CSMD1: variants seen among roughly 807,000 people sequenced by gnomAD.
The protein encoded by CSMD1 is CUB and sushi domain-containing protein 1.
CSMD1 carries 213 observed loss-of-function variants against 417.5 expected under a neutral mutation model. That is an observed-to-expected ratio of 0.51 (90% CI 0.46 to 0.57). The LOEUF (loss-of-function observed/expected upper bound fraction) is 0.57, where lower values mean the gene tolerates loss of function less well. CSMD1 is among the 20% of genes least tolerant of loss of function. The pLI is 0.00. For synonymous variants in CSMD1, 2,862 were observed against 1,736.8 expected, an observed-to-expected ratio of 1.65 and a Z score of -16.11; for missense variants, 6,923 against 4,529.7, an observed-to-expected ratio of 1.53 and a Z score of -15.17.
intron 2 of CSMD1, among the ~76,000 whole-genome samples, chr8:4,423,005 A>G (rs1408874938): frequency 6.6e-6 from 1 of 152,082 alleles, no homozygotes; most frequent in Admixed American, 6.6e-5. Flanking sequence ...TCTCAGTAAC[A>G]TATGATTGGA....
chr8:3,153,143 A>C (rs1186167054), intron 39 of CSMD1, among the ~76,000 whole-genome samples: 2 of 152,120 alleles, frequency 1.3e-5, no homozygotes, highest in Non-Finnish European at 2.9e-5. Context: ...GGCTAAACCC[A>C]CCAAAGCCAA....
At chr8:4,709,494 G>A (rs1335886072) in intron 1 of CSMD1, among the ~76,000 whole-genome samples, 3 of 152,246 alleles carry the variant, frequency 2.0e-5, no homozygotes, top group African/African-American at 7.2e-5. Context: ...GGAGCCTCAT[G>A]TGCCACCTTC....
chr8:3,511,157 A>T (rs1319799813), intron 10 of CSMD1, among the ~76,000 whole-genome samples: 1 of 151,818 alleles, frequency 6.6e-6, no homozygotes, highest in South Asian at 2.1e-4. Flanking sequence ...GCATGTTCTC[A>T]GTAATAAGTG....
intron 3 of CSMD1, among the ~76,000 whole-genome samples, chr8:4,117,526 G>C (rs1225018988): frequency 2.0e-5 from 3 of 152,160 alleles, no homozygotes; most frequent in Admixed American, 6.5e-5. Flanking sequence ...TCTCTCGGCA[G>C]CCTATTATAA....
chr8:4,907,646 A>G (rs1805385917), intron 1 of CSMD1, among the ~76,000 whole-genome samples: 1 of 151,936 alleles, frequency 6.6e-6, no homozygotes, highest in Admixed American at 6.6e-5. Flanking sequence ...TGCAGCCTCA[A>G]TTTTCCAGGC....
chr8:4,237,051 A>C (rs1463800506), intron 3 of CSMD1, among the ~76,000 whole-genome samples: 1 of 152,208 alleles, frequency 6.6e-6, no homozygotes, highest in African/African-American at 2.4e-5. Flanking sequence ...CCATGGACAG[A>C]TAACAACCTC....
chr8:4,520,787 T>A (rs981255602), intron 2 of CSMD1, among the ~76,000 whole-genome samples: 1 of 152,222 alleles, frequency 6.6e-6, no homozygotes, highest in African/African-American at 2.4e-5. Context: ...ATTATTGCAA[T>A]GAAAATTTGA....
At chr8:4,780,313 G>T (rs762216930) in intron 1 of CSMD1, among the ~76,000 whole-genome samples, 1 of 152,134 alleles carries the variant, frequency 6.6e-6, no homozygotes, top group Admixed American at 6.5e-5. Context: ...TATATAATGG[G>T]GCTTTGGCTC....
chr8:4,330,052 T>C (rs753990325), intron 3 of CSMD1, among the ~76,000 whole-genome samples: 1 of 152,186 alleles, frequency 6.6e-6, no homozygotes, highest in Admixed American at 6.5e-5. Flanking sequence ...CTTTTCTTCA[T>C]AAATTATGCA....
chr8:4,942,728 T>C (rs997946448), intron 1 of CSMD1, among the ~76,000 whole-genome samples: 4 of 152,162 alleles, frequency 2.6e-5, no homozygotes, highest in Non-Finnish European at 5.9e-5. Flanking sequence ...GAGAATCCAA[T>C]ACCGACCTTC....
chr8:3,568,003 C>G, intron 10 of CSMD1, among the ~76,000 whole-genome samples: 1 of 152,030 alleles, frequency 6.6e-6, no homozygotes, highest in Non-Finnish European at 1.5e-5. Context: ...CATCTGATGC[C>G]TTAGAAAAGT....
intron 5 of CSMD1, among the ~76,000 whole-genome samples, chr8:3,855,135 T>C (rs1167971165): frequency 1.3e-5 from 2 of 152,216 alleles, no homozygotes; most frequent in African/African-American, 4.8e-5. Context: ...TTCTGTACTC[T>C]CTATTTTCAT....
At chr8:4,869,537 A>AT (rs1211874276) in intron 1 of CSMD1, among the ~76,000 whole-genome samples, 3 of 151,924 alleles carry the variant, frequency 2.0e-5, no homozygotes, top group South Asian at 2.1e-4. Flanking sequence ...ATCTATTTAT[A>AT]TTTTTTTACT....
At chr8:3,678,336 C>G (rs1262719554) in intron 7 of CSMD1, among the ~76,000 whole-genome samples, 1 of 152,098 alleles carries the variant, frequency 6.6e-6, no homozygotes, top group African/African-American at 2.4e-5. Context: ...GCAGAGAAGT[C>G]TTTAAAGGAC....
chr8:4,352,449 A>T (rs969667112), intron 3 of CSMD1, among the ~76,000 whole-genome samples: 6 of 152,250 alleles, frequency 3.9e-5, no homozygotes, highest in African/African-American at 1.4e-4. Context: ...AAAAATCTTT[A>T]AAGAATAGAA....
rs1317849005 is a variant in CSMD1 at position 4,344,807 on chromosome 8, T to C, written c.415+75146A>G. Among the ~76,000 whole-genome samples the C allele has an allele frequency of 5.3e-5, 8 of 152,242 alleles. No individual in the cohort carries two copies. The South Asian group carries it at 1.2e-3, about 24-fold the overall frequency. On this transcript the variant is annotated intron_variant, in intron 3 of 69. Coordinates refer to ENST00000635120, the MANE Select transcript of CSMD1 (RefSeq NM_033225.6). ...CCAGCAAGAAATATACATTAGCATA[T>C]GATATATAGCAGCTGATCTTTAAAA...
intron 50 of CSMD1, among the ~76,000 whole-genome samples, chr8:3,046,472 A>C (rs1160579277): frequency 6.6e-6 from 1 of 152,134 alleles, no homozygotes; most frequent in Non-Finnish European, 1.5e-5. Context: ...CCTTCCGTGG[A>C]CATTTCAGAG....
intron 1 of CSMD1, among the ~76,000 whole-genome samples, chr8:4,638,419 G>A (rs555866596): frequency 6.6e-6 from 1 of 152,270 alleles, no homozygotes; most frequent in South Asian, 2.1e-4. Flanking sequence ...ATGCATAAAG[G>A]AAGCTTATCA....
At chr8:3,449,708 G>C (rs547883917) in intron 12 of CSMD1, among the ~76,000 whole-genome samples, 4 of 152,208 alleles carry the variant, frequency 2.6e-5, no homozygotes, top group Non-Finnish European at 4.4e-5. Context: ...AGTAGAGACA[G>C]GGTTTCACCA....
Sources: allele counts gnomAD v4.1 joint callset (sites outside exome capture counted in the v4.1 genomes callset), GRCh38; gene constraint gnomAD v4.1.1; transcripts MANE v1.5; gene names NCBI Gene and HGNC (gene_info 2026-07-23, HGNC 2026-07-21).